STK24: variants seen among roughly 807,000 people sequenced by gnomAD.
STK24 encodes serine/threonine-protein kinase 24.
A neutral mutation model predicts 55.6 loss-of-function variants in STK24; 21 were observed. The ratio of observed to expected loss-of-function variants is 0.38; its 90% CI spans 0.27 to 0.54. The LOEUF (loss-of-function observed/expected upper bound fraction) is 0.54, where lower values mean the gene tolerates loss of function less well. Among genes scored for constraint, STK24 ranks in the 20% least tolerant of loss-of-function variants. STK24 has a pLI of 0.79. For synonymous variants in STK24, 200 were observed against 215.2 expected (o/e 0.93, Z 0.62); for missense variants, 383 against 538.4 (o/e 0.71, Z 2.86).
intron 9 of STK24, 99 bp downstream of exon 9, chr13:98,460,273 A>T: frequency 8.7e-7 from 1 of 1,145,634 alleles, no homozygotes; most frequent in Non-Finnish European, 1.3e-6. Context: ...AGCTTGTCTT[A>T]ATGTCCCCAA....
At chr13:98,498,459 T>C (rs979577807) in intron 2 of STK24, among the ~76,000 whole-genome samples, 1 of 152,208 alleles carries the variant, frequency 6.6e-6, no homozygotes, top group Non-Finnish European at 1.5e-5. Flanking sequence ...CTGTGATTGG[T>C]TGAATGACAA....
chr13:98,557,711 G>T (rs757013738), intron 1 of STK24, among the ~76,000 whole-genome samples: 2 of 152,172 alleles, frequency 1.3e-5, no homozygotes, highest in African/African-American at 2.4e-5. Context: ...ACTCAGCATG[G>T]TCCCATGGGT....
At chr13:98,493,947 A>T (rs1262390538) in intron 2 of STK24, among the ~76,000 whole-genome samples, 1 of 149,684 alleles carries the variant, frequency 6.7e-6, no homozygotes, top group Non-Finnish European at 1.5e-5. Flanking sequence ...GGTTCACACC[A>T]TTATCCTGCC....
chr13:98,481,717 T>G (rs761598851), intron 3 of STK24, among the ~76,000 whole-genome samples: 4 of 151,168 alleles, frequency 2.6e-5, no homozygotes, highest in Non-Finnish European at 5.9e-5. Context: ...ATGAATACAT[T>G]TATTGGTTTC....
chr13:98,514,118 T>C (rs1205573203), intron 2 of STK24, among the ~76,000 whole-genome samples: 1 of 151,714 alleles, frequency 6.6e-6, no homozygotes, highest in East Asian at 1.9e-4. Flanking sequence ...TTTCTGCAGA[T>C]AGGCATAGTA....
At chr13:98,573,259 A>G (rs563671802) in intron 1 of STK24, among the ~76,000 whole-genome samples, 1 of 152,324 alleles carries the variant, frequency 6.6e-6, no homozygotes, top group Non-Finnish European at 1.5e-5. Flanking sequence ...AAATTTTGTA[A>G]CAGAAATGTG....
chr13:98,499,778 G>A (rs1895380094), intron 2 of STK24, among the ~76,000 whole-genome samples: 1 of 152,194 alleles, frequency 6.6e-6, no homozygotes, highest in Non-Finnish European at 1.5e-5. Flanking sequence ...GAGGGCAGAG[G>A]TCACTAGCCT....
In STK24 at chr13:98,446,228, G is replaced by C; in HGVS notation, c.*6945C>G. The C allele has an allele frequency of 6.6e-7, 1 of 1,518,838 alleles. No homozygotes were observed. Among genetic ancestry groups the C allele is most frequent in the Non-Finnish European group, 9.1e-7 (1 of 1,094,772 alleles). The allele number at this position is 1,518,838 out of a possible 1,614,324, so 94.1% of individuals were successfully genotyped here. ...CAGGTAAGTGTCTCGCACAGGGCAG[G>C]TGGCCCTGGGACCTTGGGGGTGGCA... is the stretch of plus-strand genomic sequence containing the variant. On this transcript the variant is annotated 3_prime_UTR_variant, in exon 11 of 11. Coordinates refer to ENST00000539966, the MANE Select transcript of STK24 (RefSeq NM_001032296.4).
intron 5 of STK24, among the ~76,000 whole-genome samples, chr13:98,469,932 T>C (rs1194529355): frequency 6.6e-6 from 1 of 152,212 alleles, no homozygotes; most frequent in Non-Finnish European, 1.5e-5. Flanking sequence ...TTCCTAGGCA[T>C]CTCTACTACA....
At chr13:98,472,999 A>G (rs1248016620) in intron 5 of STK24, among the ~76,000 whole-genome samples, 1 of 151,874 alleles carries the variant, frequency 6.6e-6, no homozygotes, top group African/African-American at 2.4e-5. Context: ...CTCTCTAGGG[A>G]TATTTGTCAC....
At chr13:98,507,327 C>T (rs1455843439) in intron 2 of STK24, among the ~76,000 whole-genome samples, 1 of 152,160 alleles carries the variant, frequency 6.6e-6, no homozygotes, top group Non-Finnish European at 1.5e-5. Context: ...AGCTCAACAG[C>T]CAAAGGGCTG....
At chr13:98,549,833 A>C (rs1897117704) in intron 1 of STK24, among the ~76,000 whole-genome samples, 1 of 152,156 alleles carries the variant, frequency 6.6e-6, no homozygotes, top group African/African-American at 2.4e-5. Context: ...CTAATCACCT[A>C]ATCACCTCCT....
intron 1 of STK24, among the ~76,000 whole-genome samples, chr13:98,538,269 A>C (rs1404993292): frequency 1.6e-5 from 2 of 124,104 alleles, no homozygotes; most frequent in Non-Finnish European, 3.1e-5. Context: ...TCTGTTGACC[A>C]GGCTTGAGTA....
At chr13:98,485,595 C>G (rs986971605) in intron 2 of STK24, among the ~76,000 whole-genome samples, 2 of 152,220 alleles carry the variant, frequency 1.3e-5, no homozygotes, top group African/African-American at 4.8e-5. Context: ...AATCTAGTCC[C>G]CAGGCAAGAA....
At chr13:98,515,487 C>T (rs1183262218) in intron 2 of STK24, among the ~76,000 whole-genome samples, 2 of 151,274 alleles carry the variant, frequency 1.3e-5, no homozygotes, top group Admixed American at 6.6e-5. Context: ...TCCTCAAGAC[C>T]TTTCCAGGCC....
chr13:98,568,928 T>A (rs186874642), intron 1 of STK24, among the ~76,000 whole-genome samples: 15 of 151,604 alleles, frequency 9.9e-5, no homozygotes, highest in Non-Finnish European at 2.1e-4. Context: ...ACCATCCAAG[T>A]AATAAAGTTT....
intron 2 of STK24, among the ~76,000 whole-genome samples, chr13:98,516,018 T>G (rs148830754): frequency 6.6e-6 from 1 of 152,192 alleles, no homozygotes; most frequent in Non-Finnish European, 1.5e-5. Flanking sequence ...TGTATCCTCC[T>G]TGACATTAGG....
chr13:98,574,359 G>T (rs920001337), intron 1 of STK24, among the ~76,000 whole-genome samples: 2 of 152,172 alleles, frequency 1.3e-5, no homozygotes, highest in African/African-American at 4.8e-5. Flanking sequence ...AGGGCTATGA[G>T]GCCTATCAGA....
At chr13:98,481,262 T>C (rs557242151) in intron 3 of STK24, among the ~76,000 whole-genome samples, 1 of 152,342 alleles carries the variant, frequency 6.6e-6, no homozygotes, top group Admixed American at 6.5e-5. Context: ...CTGTAAGCAC[T>C]GCATCAAAAC....
Sources: allele counts gnomAD v4.1 joint callset (sites outside exome capture counted in the v4.1 genomes callset), GRCh38; gene constraint gnomAD v4.1.1; transcripts MANE v1.5; gene names NCBI Gene and HGNC (gene_info 2026-07-23, HGNC 2026-07-21).